The following COMMD10 variants were observed in gnomAD, a reference collection of about 807,000 sequenced individuals.
The protein encoded by COMMD10 is COMM domain-containing protein 10.
Under a neutral mutation model 28.9 loss-of-function variants are expected in COMMD10, and 33 were observed. The observed-to-expected ratio is 1.14, with a 90% CI of 0.87 to 1.53. The LOEUF (loss-of-function observed/expected upper bound fraction) is 1.53. Among genes scored for constraint, COMMD10 ranks in the 40% most tolerant of loss-of-function variants. COMMD10 has a pLI of 0.00. For missense variants in COMMD10, 310 were observed against 233.4 expected, an observed-to-expected ratio of 1.33 and a Z score of -2.14; for synonymous variants, 110 against 81.7, an observed-to-expected ratio of 1.35 and a Z score of -1.87.
intron 5 of COMMD10, among the ~76,000 whole-genome samples, chr5:116,155,162 G>T (rs1045531343): frequency 6.6e-6 from 1 of 152,004 alleles, no homozygotes; most frequent in African/African-American, 2.4e-5. Context: ...TCACTCTAGG[G>T]CTTACACTTT....
At chr5:116,170,902 A>T (rs866506725) in intron 5 of COMMD10, among the ~76,000 whole-genome samples, 1 of 152,226 alleles carries the variant, frequency 6.6e-6, no homozygotes, top group African/African-American at 2.4e-5. Flanking sequence ...AATCTTGGCA[A>T]TGCCATTCAA....
intron 5 of COMMD10, among the ~76,000 whole-genome samples, chr5:116,160,537 T>A (rs1752882050): frequency 1.3e-5 from 2 of 152,066 alleles, no homozygotes; most frequent in Admixed American, 6.6e-5. Context: ...AGGTAATAGA[T>A]TTATACTCTT....
chr5:116,108,002 G>A (rs1750899541), intron 4 of COMMD10, among the ~76,000 whole-genome samples: 1 of 152,216 alleles, frequency 6.6e-6, no homozygotes, highest in African/African-American at 2.4e-5. Flanking sequence ...ACCAGTGCAG[G>A]CTGCAGAACA....
chr5:116,168,677 C>A lies in COMMD10; in HGVS notation c.510+34499C>A, dbSNP rs140350446. 1.2e-3 allele frequency among the ~76,000 whole-genome samples: 184 copies of A among 152,302 alleles called. 2 individuals carry two copies. Among genetic ancestry groups the A allele is most frequent in the African/African-American group, 3.9e-3 (161 of 41,562 alleles). On this transcript the variant is annotated intron_variant, in intron 5 of 6. Transcript: ENST00000274458. ...AATTAGAACTCAAGATTAAGAAACTCACTCAAAACCACACAAATACATGGA... is the reference window on the plus strand; with the variant it reads ...AATTAGAACTCAAGATTAAGAAACTAACTCAAAACCACACAAATACATGGA...
chr5:116,201,249 C>A (rs993072239), intron 5 of COMMD10, among the ~76,000 whole-genome samples: 2 of 152,168 alleles, frequency 1.3e-5, no homozygotes, highest in African/African-American at 2.4e-5. Context: ...AGTGATCCGG[C>A]ATATTTTAAA....
intron 5 of COMMD10, among the ~76,000 whole-genome samples, chr5:116,155,079 G>C (rs1256430392): frequency 1.3e-5 from 2 of 152,084 alleles, no homozygotes; most frequent in African/African-American, 4.8e-5. Context: ...GCACACATGA[G>C]ATCCTGGAAA....
chr5:116,211,017 TAATG>T (rs1252759924), intron 5 of COMMD10, among the ~76,000 whole-genome samples: 1 of 152,102 alleles, frequency 6.6e-6, no homozygotes, highest in Admixed American at 6.6e-5. Flanking sequence ...CGGTTTTTAT[TAATG>T]CTTGGTATAT....
At chr5:116,110,927 C>A (rs1317501095) in intron 4 of COMMD10, among the ~76,000 whole-genome samples, 1 of 152,188 alleles carries the variant, frequency 6.6e-6, no homozygotes, top group Non-Finnish European at 1.5e-5. Context: ...ATCCAATCAC[C>A]TCCCATCAGG....
chr5:116,166,501 A>G (rs1239201666), intron 5 of COMMD10, among the ~76,000 whole-genome samples: 1 of 152,226 alleles, frequency 6.6e-6, no homozygotes, highest in Non-Finnish European at 1.5e-5. Context: ...GTTAAGGGAC[A>G]GACTGCCTCC....
At chr5:116,111,029 T>G (rs1342526880) in intron 4 of COMMD10, among the ~76,000 whole-genome samples, 1 of 152,164 alleles carries the variant, frequency 6.6e-6, no homozygotes, top group East Asian at 1.9e-4. Context: ...TTCCAGAAAT[T>G]TACCTATTTT....
chr5:116,245,243 T>C (rs1749911386), intron 5 of COMMD10, among the ~76,000 whole-genome samples: 1 of 151,932 alleles, frequency 6.6e-6, no homozygotes, highest in African/African-American at 2.4e-5. Flanking sequence ...CTAGAACATC[T>C]AGAAGCAATG....
intron 5 of COMMD10, among the ~76,000 whole-genome samples, chr5:116,267,803 C>T (rs1222309538): frequency 6.6e-6 from 1 of 151,866 alleles, no homozygotes; most frequent in Non-Finnish European, 1.5e-5. Context: ...CACACATCTA[C>T]AACCATCTGA....
intron 5 of COMMD10, among the ~76,000 whole-genome samples, chr5:116,263,559 G>C (rs1329440882): frequency 6.6e-6 from 1 of 151,560 alleles, no homozygotes; most frequent in Non-Finnish European, 1.5e-5. Flanking sequence ...TTTTAGGTCC[G>C]ATAAGAAACA....
chr5:116,153,870 A>G (rs1283036838), intron 5 of COMMD10, among the ~76,000 whole-genome samples: 21 of 152,074 alleles, frequency 1.4e-4, no homozygotes, highest in Admixed American at 1.4e-3. Context: ...TGACCTTGAT[A>G]AAGGGTTGGG....
chr5:116,118,123 C>G (rs1435627485), intron 4 of COMMD10, among the ~76,000 whole-genome samples: 1 of 152,200 alleles, frequency 6.6e-6, no homozygotes, highest in African/African-American at 2.4e-5. Flanking sequence ...TTCAAAAGTT[C>G]TGCTGGATGT....
At chr5:116,270,332 T>G (rs985065130) in intron 5 of COMMD10, among the ~76,000 whole-genome samples, 1 of 151,856 alleles carries the variant, frequency 6.6e-6, no homozygotes, top group African/African-American at 2.4e-5. Flanking sequence ...TATTTCATAA[T>G]TGAAAAAGGA....
At chr5:116,176,841 G>A (rs1054588365) in intron 5 of COMMD10, among the ~76,000 whole-genome samples, 2 of 152,234 alleles carry the variant, frequency 1.3e-5, no homozygotes, top group Admixed American at 1.3e-4. Context: ...GAATTAGAAA[G>A]CTATGATACG....
chr5:116,140,546 G>A (rs1428309802), intron 5 of COMMD10, among the ~76,000 whole-genome samples: 1 of 151,778 alleles, frequency 6.6e-6, no homozygotes, highest in African/African-American at 2.4e-5. Context: ...CACCATCAGT[G>A]TACGGGGTTC....
At chr5:116,283,743 T>C (rs532590257) in intron 5 of COMMD10, among the ~76,000 whole-genome samples, 2 of 151,946 alleles carry the variant, frequency 1.3e-5, no homozygotes, top group East Asian at 1.9e-4. Context: ...TATCCATTGA[T>C]ACTGCTGTTA....
Sources: allele counts gnomAD v4.1 joint callset (sites outside exome capture counted in the v4.1 genomes callset), GRCh38; gene constraint gnomAD v4.1.1; transcripts MANE v1.5; gene names NCBI Gene and HGNC (gene_info 2026-07-23, HGNC 2026-07-21).